The following ZNF358 variants were observed in gnomAD, a reference collection of about 807,000 sequenced individuals.
ZNF358 encodes zinc finger protein 358.
ZNF358 carries 1 observed loss-of-function variant against 2.1 expected under a neutral mutation model. The ratio of observed to expected loss-of-function variants is 0.49; its 90% CI spans 0.17 to 2.30. ZNF358 has a LOEUF of 2.30. Ranked by LOEUF, ZNF358 falls within the 30% of genes most tolerant of loss-of-function variation. ZNF358 has a pLI of 0.26. For missense variants in ZNF358, 665 were observed against 806.8 expected (o/e 0.82, Z 2.13); for synonymous variants, 381 against 359.7 (o/e 1.06, Z -0.67).
chr19:7,518,027 T>G (rs1453520591), intron 1 of ZNF358, among the ~76,000 whole-genome samples: 1 of 152,182 alleles, frequency 6.6e-6, no homozygotes, highest in Non-Finnish European at 1.5e-5. Flanking sequence ...CCCACACTGT[T>G]CCCCATGTGG....
Position 7,516,583 on chromosome 19 carries a change from AC to A in ZNF358, c.-39+339del, listed in dbSNP as rs2022345428. Among the ~76,000 whole-genome samples, 2 of 150,840 alleles carry A rather than the reference AC, an allele frequency of 1.3e-5. No homozygotes were observed. Among genetic ancestry groups the A allele is most frequent in the African/African-American group, 4.9e-5 (2 of 40,942 alleles). On this transcript the variant is annotated intron_variant, in intron 1 of 1. Transcript: ENST00000597229. This position sits in a 1 kb window ranked among gnomAD's most constrained non-coding sequence, Gnocchi z 5.9. ...CCCCCTCCCTAGGAGGCGATCCAGG[AC>A]CCCCTCCCCTCCTGATTCGAGGTAT...
rs1420145284 is a variant in ZNF358 at position 7,516,400 on chromosome 19, G to A, written c.-39+151G>A. 6.6e-6 allele frequency among the ~76,000 whole-genome samples: 1 copy of A among 151,592 alleles called. No homozygotes were observed. The stretch of plus-strand genomic sequence containing the variant: ...GCCGGCCCTGGCCCAGGCGAGCGGG[G>A]GTCGCGGGAGCGATGGGGAGGGGAC... On this transcript the variant is annotated intron_variant, in intron 1 of 1. Transcript: ENST00000597229. This position sits in a 1 kb window ranked among gnomAD's most constrained non-coding sequence, Gnocchi z 5.9.
rs3029870 is a variant in ZNF358, at chr19:7,518,557, G to GAA, written c.-38-647_-38-646insAA. On this transcript the variant is annotated intron_variant, in intron 1 of 1. Coordinates refer to ENST00000597229, the MANE Select transcript of ZNF358 (RefSeq NM_018083.5). ...AAAGAAAGAAAGAAAGAGAGAGAGA[G>GAA]AGAAAGAAAGAAAGAAAGAAAGAAA... Among the ~76,000 whole-genome samples, 1,016 of 116,168 alleles carry GAA rather than the reference G, an allele frequency of 8.7e-3. 9 individuals carry two copies. Among genetic ancestry groups the GAA allele is most frequent in the South Asian group, 0.037 (121 of 3,240 alleles). The allele number at this position is 116,168 out of a possible 152,430, so 76.2% of individuals were successfully genotyped here. A position where few individuals can be genotyped will look rare whatever the true frequency, so the allele number is the denominator to read the frequency against.
At position 7,520,834 on chromosome 19, in the gene ZNF358, T is replaced by C. The variant is rs745979615; in HGVS notation, c.1592T>C (p.Val531Ala). 3 of 1,613,918 alleles carry C rather than the reference T, an allele frequency of 1.9e-6. No individual in the cohort carries two copies. The South Asian group carries it at 3.3e-5, about 18-fold the overall frequency. The change falls in exon 2 of 2, where the codon GTG (valine) becomes GCG (alanine). Residue 531 changes from valine (V) to alanine (A), a missense_variant. Physicochemically the swap from Val to Ala is moderately conservative, Grantham distance 64. Coordinates refer to ENST00000597229, the MANE Select transcript of ZNF358 (RefSeq NM_018083.5). This position sits in a 1 kb window ranked among gnomAD's most constrained non-coding sequence, Gnocchi z 6.0. ...GTGCCCAGCCCTGATCCCAACCCTGTGTCCTGCCCTGACCCCTGTTCTCCC... is the reference window on the plus strand; with the variant it reads ...GTGCCCAGCCCTGATCCCAACCCTGCGTCCTGCCCTGACCCCTGTTCTCCC... ...DPVPSPDPNP[V>A]SCPDPCSPTR...
intron 1 of ZNF358, among the ~76,000 whole-genome samples, chr19:7,517,442 T>C (rs776592555): frequency 6.6e-6 from 1 of 152,124 alleles, no homozygotes; most frequent in Non-Finnish European, 1.5e-5. Context: ...ACAGGTATAC[T>C]GGCCGGGCAT....
intron 1 of ZNF358, among the ~76,000 whole-genome samples, chr19:7,518,599 G>GAAAGAAAGAAAGAATT (rs1239214321): frequency 1.1e-5 from 1 of 94,928 alleles, no homozygotes; most frequent in African/African-American, 3.0e-5. Flanking sequence ...AAGAAAGAAA[G>GAAAGAAAGAAAGAATT]AATTGAAGTT....
chr19:7,516,101 G>A (rs943959286), upstream of ZNF358: 1 of 138,448 alleles, frequency 7.2e-6, no homozygotes, highest in African/African-American at 2.7e-5. The surrounding 1 kb of genome is among the most constrained non-coding windows in gnomAD (Gnocchi z 5.9). Flanking sequence ...CCCTCGGCCG[G>A]CCCCTCTCGC....
rs1468162025 is a variant in ZNF358 at position 7,520,960 on chromosome 19, G to C, written c.*11G>C. On this transcript the variant is annotated 3_prime_UTR_variant, in exon 2 of 2. Transcript: ENST00000597229. The surrounding 1 kb of genome is among the most constrained non-coding windows in gnomAD (Gnocchi z 6.0). ...GGGCCTGATGGCTGAAGGAGACGCC[G>C]GCATCCTCGGGGGCCTGGGGAAGTT... The C allele has an allele frequency of 1.1e-5, 17 of 1,609,436 alleles. No homozygotes were observed. The highest frequency in any genetic ancestry group is 1.4e-5 in the Non-Finnish European group (17 of 1,176,992).
intron 1 of ZNF358, 86 bp from the exon 2 acceptor site, chr19:7,519,119 G>A (rs1462062501): frequency 1.0e-5 from 14 of 1,352,946 alleles, no homozygotes; most frequent in Admixed American, 5.0e-5. Context: ...ATCGGGTCCC[G>A]TCTCTCATCC....
upstream of ZNF358, chr19:7,513,917 C>T (rs1443421110): frequency 6.6e-6 from 1 of 152,044 alleles, no homozygotes; most frequent in Admixed American, 6.6e-5. Flanking sequence ...GTCACGGATG[C>T]AAAGAACAGA....
intron 1 of ZNF358, among the ~76,000 whole-genome samples, chr19:7,518,457 CAGAG>C (rs1467439520): frequency 7.4e-6 from 1 of 134,610 alleles, no homozygotes; most frequent in Non-Finnish European, 1.6e-5. Context: ...AAAAGAGAGA[CAGAG>C]GGAGAGAGAA....
In ZNF358 at chr19:7,520,940, T is replaced by C. The variant is rs770311636; in HGVS notation, c.1698T>C (p.Pro566=). The change falls in exon 2 of 2, where the codon CCT becomes CCC. Residue 566 remains proline, a synonymous_variant. Transcript: ENST00000597229. The surrounding 1 kb of genome is among the most constrained non-coding windows in gnomAD (Gnocchi z 6.0). The part of the protein sequence containing the change: ...WVQEQGALLG[P]DG ...AGGAGCAAGGGGCACTGCTGGGGCC[T>C]GATGGCTGAAGGAGACGCCGGCATC... 2 of 1,612,842 alleles carry C rather than the reference T, an allele frequency of 1.2e-6. No homozygotes were observed. The highest frequency in any genetic ancestry group is 1.7e-6 in the Non-Finnish European group (2 of 1,179,256).
chr19:7,519,296 T>G lies in ZNF358; in HGVS notation c.54T>G (p.Val18=). The stretch of plus-strand genomic sequence containing the variant: ...CAGGCCACAAAGGCCTGAGACCCGT[T>G]TATGAAGAGCTCGACTCTGACTCCG... The part of the protein sequence containing the change: ...RNPGHKGLRP[V]YEELDSDSED... Residue 18 remains valine (V), a synonymous_variant, in exon 2 of 2, where the codon GTT becomes GTG. Coordinates refer to ENST00000597229, the MANE Select transcript of ZNF358 (RefSeq NM_018083.5). 6.2e-7 allele frequency: 1 copy of G among 1,614,018 alleles called. No individual in the cohort carries two copies. Among genetic ancestry groups the G allele is most frequent in the Non-Finnish European group, 8.5e-7 (1 of 1,180,010 alleles).
In ZNF358 at chr19:7,516,967, G is replaced by A. The variant is rs1037925049; in HGVS notation, c.-39+718G>A. Reference sequence around the variant, plus strand: ...CCCCACTCTCCAACTATGGGGTCTGGGTTGAGGACCGCCGTCCAGGAACTC... The same window carrying A: ...CCCCACTCTCCAACTATGGGGTCTGAGTTGAGGACCGCCGTCCAGGAACTC... On this transcript the variant is annotated intron_variant, in intron 1 of 1. Transcript: ENST00000597229. The surrounding 1 kb of genome is among the most constrained non-coding windows in gnomAD (Gnocchi z 5.9). Among the ~76,000 whole-genome samples, 1 of 152,080 alleles carries A rather than the reference G, an allele frequency of 6.6e-6. No individual in the cohort carries two copies. The highest frequency in any genetic ancestry group is 2.4e-5 in the African/African-American group (1 of 41,398).
rs141553033 is a variant in ZNF358 at position 7,519,156 on chromosome 19, G to A, written c.-38-49G>A. On this transcript the variant is annotated intron_variant, in intron 1 of 1. Transcript: ENST00000597229. Reference sequence around the variant, plus strand: ...TAACCAGACTCCAAAAGACACCCCCGCTCCCACAGAACCCACCTACCCTCT... The same window carrying A: ...TAACCAGACTCCAAAAGACACCCCCACTCCCACAGAACCCACCTACCCTCT... The A allele has an allele frequency of 1.7e-3, 2,493 of 1,482,670 alleles. 38 individuals carry two copies. In the African/African-American group the frequency reaches 0.031, roughly 18 times the overall value. The allele number at this position is 1,482,670 out of a possible 1,614,324, so 91.8% of individuals were successfully genotyped here. A position where few individuals can be genotyped will look rare whatever the true frequency, so the allele number is the denominator to read the frequency against.
In ZNF358 at chr19:7,520,596, C is replaced by A; in HGVS notation, c.1354C>A (p.Leu452Ile). 7.0e-7 allele frequency: 1 copy of A among 1,419,954 alleles called. No homozygotes were observed. Among genetic ancestry groups the A allele is most frequent in the Non-Finnish European group, 9.7e-7 (1 of 1,026,744 alleles). The allele number at this position is 1,419,954 out of a possible 1,614,324, so 88.0% of individuals were successfully genotyped here. A position where few individuals can be genotyped will look rare whatever the true frequency, so the allele number is the denominator to read the frequency against. ...TTCTGTGCTCGGCTCTGGCTTGGGC[C>A]TCAGCCCTGGCACCAGCTCTGGCCG... Reference protein sequence around the residue: ...AVSVLGSGLGLSPGTSSGRNP... With the variant: ...AVSVLGSGLGISPGTSSGRNP... The change falls in exon 2 of 2, where the codon CTC becomes ATC. Residue 452 changes from leucine to isoleucine, a missense_variant. This residue lies in a region of ZNF358 where 249 missense variants were observed against 227.6 expected (regional missense o/e 1.09). Coordinates refer to ENST00000597229, the MANE Select transcript of ZNF358 (RefSeq NM_018083.5). The surrounding 1 kb of genome is among the most constrained non-coding windows in gnomAD (Gnocchi z 6.0).
At chr19:7,519,134 C>G in intron 1 of ZNF358, 71 bp from the exon 2 acceptor site, 2 of 1,492,340 alleles carry the variant, frequency 1.3e-6, no homozygotes, top group Non-Finnish European at 1.8e-6. Flanking sequence ...TCATCCCTAA[C>G]CAGACTCCAA....
rs750409457 is a variant in ZNF358 at position 7,519,786 on chromosome 19, C to T, written c.544C>T (p.Pro182Ser). The T allele has an allele frequency of 2.6e-6, 4 of 1,532,586 alleles. No individual in the cohort carries two copies. The highest frequency in any genetic ancestry group is 1.2e-5 in the South Asian group (1 of 84,388). 94.9% of individuals were successfully genotyped at this position (1,532,586 alleles called of 1,614,324 possible). A position where few individuals can be genotyped will look rare whatever the true frequency, so the allele number is the denominator to read the frequency against. Residue 182 changes from proline (P) to serine (S), a missense_variant, in exon 2 of 2, where the codon CCC (proline) becomes TCC (serine). Physicochemically the swap from Pro to Ser is moderately conservative, Grantham distance 74 (BLOSUM62 -1). Coordinates refer to ENST00000597229, the MANE Select transcript of ZNF358 (RefSeq NM_018083.5). ...CAGCGGCGAGAAGCCGTACCGCTGC[C>T]CCGACTGCGGGAAGTCCTTCAGCCA... ...THSGEKPYRC[P>S]DCGKSFSHGA...
rs768638059 is a variant in ZNF358 at position 7,520,631 on chromosome 19, C to A, written c.1389C>A (p.Asp463Glu). The change falls in exon 2 of 2, where the codon GAC becomes GAA. Residue 463 changes from aspartate (D) to glutamate (E), a missense_variant. Around this residue, in one of 3 missense-constraint regions of ZNF358, gnomAD observed 249 missense variants for 227.6 expected, o/e 1.09. Transcript: ENST00000597229. The surrounding 1 kb of genome is among the most constrained non-coding windows in gnomAD (Gnocchi z 6.0). ...SPGTSSGRNPDPGSGPGTLPD... is the reference protein window; with the variant it reads ...SPGTSSGRNPEPGSGPGTLPD... Reference sequence around the variant, plus strand: ...GCACCAGCTCTGGCCGCAACCCTGACCCTGGCTCTGGGCCGGGCACTCTGC... The same window carrying A: ...GCACCAGCTCTGGCCGCAACCCTGAACCTGGCTCTGGGCCGGGCACTCTGC... The A allele has an allele frequency of 1.9e-6, 3 of 1,544,042 alleles. No individual in the cohort carries two copies. The highest frequency in any genetic ancestry group is 4.8e-5 in the East Asian group (2 of 41,512).
Sources: gnomAD v4.1 joint callset for allele counts (sites outside exome capture counted in the v4.1 genomes callset) on GRCh38, gnomAD v4.1.1 for gene constraint, gnomAD v4.1.1 regional missense constraint, Gnocchi (gnomAD v3.1) non-coding constraint, MANE v1.5 for transcripts, NCBI Gene and HGNC (gene_info 2026-07-23, HGNC 2026-07-21) for gene names.